The following VRK1 variants were observed in gnomAD, a reference collection of about 807,000 sequenced individuals.
The protein encoded by VRK1 is VRK serine/threonine kinase 1, also known as serine/threonine-protein kinase VRK1.
Under a neutral mutation model 57.1 loss-of-function variants are expected in VRK1, and 33 were observed. The observed-to-expected ratio is 0.58, with a 90% confidence interval of 0.44 to 0.77. VRK1 has a LOEUF of 0.77. Ranked by LOEUF, VRK1 falls within the 30% of genes least tolerant of loss-of-function variation. VRK1 has a pLI of 0.00. For missense variants in VRK1, 413 were observed against 477.3 expected (o/e 0.87, Z 1.25); for synonymous variants, 137 against 147.8 (o/e 0.93, Z 0.53).
chr14:96,816,963 A>G (rs1886418002), intron 1 of VRK1, among the ~76,000 whole-genome samples: 1 of 152,222 alleles, frequency 6.6e-6, no homozygotes, highest in Admixed American at 6.5e-5. Flanking sequence ...AGGTGTGGCA[A>G]TAATATATGG....
chr14:96,846,765 T>C (rs1028472877), intron 4 of VRK1, among the ~76,000 whole-genome samples: 1 of 150,572 alleles, frequency 6.6e-6, no homozygotes, highest in Non-Finnish European at 1.5e-5. Context: ...TAAAAAATAA[T>C]ACAAATAAAA....
At chr14:96,838,682 C>T (rs1039870995) in intron 3 of VRK1, among the ~76,000 whole-genome samples, 8 of 152,270 alleles carry the variant, frequency 5.3e-5, no homozygotes, top group South Asian at 4.1e-4. Flanking sequence ...CTCCCGCCCA[C>T]GACACATGGG....
chr14:96,854,118 G>A (rs1269225140), intron 7 of VRK1, among the ~76,000 whole-genome samples: 1 of 152,102 alleles, frequency 6.6e-6, no homozygotes, highest in Non-Finnish European at 1.5e-5. Context: ...TATTAAGATA[G>A]TGTGCTAATG....
At chr14:96,829,457 A>G (rs1350690690) in intron 1 of VRK1, among the ~76,000 whole-genome samples, 1 of 152,084 alleles carries the variant, frequency 6.6e-6, no homozygotes, top group Non-Finnish European at 1.5e-5. Flanking sequence ...AAATACAAAG[A>G]TGTGTTTCTG....
At chr14:96,809,863 G>T (rs1359822027) in intron 1 of VRK1, among the ~76,000 whole-genome samples, 3 of 152,144 alleles carry the variant, frequency 2.0e-5, no homozygotes, top group Admixed American at 2.0e-4. Context: ...GTAAGCCACT[G>T]TACCTGGCCA....
chr14:96,853,011 C>T, intron 6 of VRK1, 63 bp from the exon 7 acceptor site: 1 of 1,604,040 alleles, frequency 6.2e-7, no homozygotes, highest in Non-Finnish European at 8.5e-7. Flanking sequence ...TATGTTGAAG[C>T]TTGGTCCTCT....
At chr14:96,828,913 A>G (rs1263715401) in intron 1 of VRK1, among the ~76,000 whole-genome samples, 1 of 152,232 alleles carries the variant, frequency 6.6e-6, no homozygotes, top group Admixed American at 6.5e-5. Flanking sequence ...AGCAAGAGCA[A>G]GAGGGAATCC....
At chr14:96,799,274 T>A (rs2139672511) in intron 1 of VRK1, among the ~76,000 whole-genome samples, 1 of 152,286 alleles carries the variant, frequency 6.6e-6, no homozygotes, top group Admixed American at 6.5e-5. Context: ...CAGTAATGCA[T>A]TCAAAATGTT....
At chr14:96,803,168 ATTTT>A (rs747521306) in intron 1 of VRK1, among the ~76,000 whole-genome samples, 2 of 127,918 alleles carry the variant, frequency 1.6e-5, no homozygotes, top group Admixed American at 7.8e-5. Context: ...TGATGCTGGC[ATTTT>A]TTTTTTTTTT....
Position 96,833,564 on chromosome 14 carries a change from C to T in VRK1, c.93C>T (p.Asp31=). 6.2e-7 allele frequency: 1 copy of T among 1,613,732 alleles called. No homozygotes were observed. Among genetic ancestry groups the T allele is most frequent in the Non-Finnish European group, 8.5e-7 (1 of 1,179,764 alleles). The part of the protein sequence containing the change: ...EQFAVGEIIT[D]MAKKEWKVGL... ...TTGCAGTTGGAGAGATAATAACTGA[C>T]ATGGCAAAAAAGGAATGGAAAGTAG... The change falls in exon 2 of 13, where the codon GAC becomes GAT. Residue 31 remains aspartate, a synonymous_variant. Coordinates refer to ENST00000216639, the MANE Select transcript of VRK1 (RefSeq NM_003384.3).
intron 3 of VRK1, among the ~76,000 whole-genome samples, chr14:96,840,055 G>A (rs555558468): frequency 3.3e-5 from 5 of 152,048 alleles, no homozygotes; most frequent in South Asian, 4.1e-4. Context: ...TTGGTCTTTC[G>A]TTTTTTTCCC....
At chr14:96,801,918 A>G (rs2139676465) in intron 1 of VRK1, among the ~76,000 whole-genome samples, 1 of 152,310 alleles carries the variant, frequency 6.6e-6, no homozygotes, top group South Asian at 2.1e-4. Context: ...GCAGAGGCAG[A>G]AGAAAATCTG....
chr14:96,866,828 G>T (rs775753130), intron 11 of VRK1, among the ~76,000 whole-genome samples: 1 of 152,144 alleles, frequency 6.6e-6, no homozygotes, highest in Non-Finnish European at 1.5e-5. Context: ...TCTGTTTGCT[G>T]CTGAAATATT....
chr14:96,809,548 A>AGCTT (rs58196233), intron 1 of VRK1, among the ~76,000 whole-genome samples: 59,749 of 135,236 alleles, frequency 0.44, 13,265 homozygotes, highest in South Asian at 0.61. Flanking sequence ...ATATGCATCT[A>AGCTT]GCTTGCTTGC....
chr14:96,807,104 T>A (rs2887582), intron 1 of VRK1, among the ~76,000 whole-genome samples: 12,821 of 152,276 alleles, frequency 0.084, 690 homozygotes, highest in Middle Eastern at 0.18. Flanking sequence ...GGTCACTGTT[T>A]GTTCTCTGCA....
intron 1 of VRK1, among the ~76,000 whole-genome samples, chr14:96,811,219 C>A (rs954685800): frequency 6.6e-6 from 1 of 152,170 alleles, no homozygotes; most frequent in Non-Finnish European, 1.5e-5. Context: ...GTGTGAGCCA[C>A]CGCGCCCAGC....
chr14:96,881,021 A>G (rs925002741), intron 12 of VRK1, among the ~76,000 whole-genome samples, 156 bp from the exon 13 acceptor site: 1 of 152,204 alleles, frequency 6.6e-6, no homozygotes. Context: ...AGTATTAGCA[A>G]TCATACCTTT....
At chr14:96,850,140 C>T (rs1887890493) in intron 5 of VRK1, among the ~76,000 whole-genome samples, 1 of 152,146 alleles carries the variant, frequency 6.6e-6, no homozygotes, top group African/African-American at 2.4e-5. Context: ...AGTCATATAT[C>T]AGGCATTGAT....
In VRK1 at chr14:96,875,977, A is replaced by G. The variant is rs1398728618; in HGVS notation, c.1069-53A>G. The G allele has an allele frequency of 3.2e-6, 5 of 1,567,256 alleles. No individual in the cohort carries two copies. In the African/African-American group the frequency reaches 5.4e-5, roughly 17 times the overall value. On this transcript the variant is annotated intron_variant, in intron 11 of 12. Transcript: ENST00000216639. ...ACAGACAAATATGTGATGAGTTTGT[A>G]GTTTACTTGACTGTCAGATATCTCT...
Sources: gnomAD v4.1 joint callset for allele counts (sites outside exome capture counted in the v4.1 genomes callset) on GRCh38, gnomAD v4.1.1 for gene constraint, MANE v1.5 for transcripts, NCBI Gene and HGNC (gene_info 2026-07-23, HGNC 2026-07-21) for gene names.